Variants in GFRA1 observed in about 807,000 individuals in gnomAD.
GFRA1 encodes the protein GDNF family receptor alpha 1, also known as GDNF family receptor alpha-1.
A neutral mutation model predicts 51.6 loss-of-function variants in GFRA1; 16 were observed. That is an observed-to-expected ratio of 0.31 (90% CI 0.21 to 0.47). The LOEUF (loss-of-function observed/expected upper bound fraction) is 0.47. Ranked by LOEUF, GFRA1 falls within the 20% of genes least tolerant of loss-of-function variation. The probability of loss-of-function intolerance (pLI) is 1.00; values close to 1 mark genes in which losing one functional copy is unlikely to be tolerated. For missense variants in GFRA1, 530 were observed against 594.3 expected (o/e 0.89, Z 1.13); for synonymous variants, 270 against 241.3 (o/e 1.12, Z -1.10).
intron 4 of GFRA1, chr10:116,255,778 C>T (rs557610917): frequency 1.6e-5 from 21 of 1,282,012 alleles, no homozygotes; most frequent in Non-Finnish European, 2.0e-5. Context: ...CCACCACCAT[C>T]TCCCCAGCAG....
At chr10:116,082,162 G>A (rs1955878891) in intron 9 of GFRA1, among the ~76,000 whole-genome samples, 1 of 152,160 alleles carries the variant, frequency 6.6e-6, no homozygotes, top group Admixed American at 6.5e-5. Context: ...ATGTGGCGGG[G>A]ACCGTGGCAG....
At chr10:116,083,009 T>TC (rs1955920504) in intron 9 of GFRA1, among the ~76,000 whole-genome samples, 2 of 152,246 alleles carry the variant, frequency 1.3e-5, no homozygotes, top group African/African-American at 4.8e-5. Context: ...CTGTTCTTTA[T>TC]CCCTCACAAA....
At position 116,063,230 on chromosome 10, in the gene GFRA1, TGCA is replaced by T. The variant is rs1057000999; in HGVS notation, c.*1165_*1167del. 6.6e-6 allele frequency: 1 copy of T among 152,246 alleles called. No individual in the cohort carries two copies. The highest frequency in any genetic ancestry group is 2.4e-5 in the African/African-American group (1 of 41,466). 9.4% of individuals were successfully genotyped at this position (152,246 alleles called of 1,614,324 possible). On this transcript the variant is annotated 3_prime_UTR_variant, in exon 11 of 11. Transcript: ENST00000355422. ...TCATGACAAGTGTGTCAAGAGATGC[TGCA>T]GAACATTTACAAGCAGCCACCAGTT...
intron 9 of GFRA1, among the ~76,000 whole-genome samples, chr10:116,087,416 G>A (rs1956146625): frequency 6.6e-6 from 1 of 152,172 alleles, no homozygotes; most frequent in Non-Finnish European, 1.5e-5. Context: ...CAAAAATGTT[G>A]ACAAGTTGCA....
intron 5 of GFRA1, among the ~76,000 whole-genome samples, chr10:116,155,411 T>C (rs1041879713): frequency 1.3e-5 from 2 of 152,082 alleles, no homozygotes; most frequent in African/African-American, 4.8e-5. Flanking sequence ...TTTTTCCTCA[T>C]GGGGTGCTGA....
intron 5 of GFRA1, among the ~76,000 whole-genome samples, chr10:116,140,775 A>C (rs1221639230): frequency 6.6e-6 from 1 of 152,184 alleles, no homozygotes; most frequent in African/African-American, 2.4e-5. Context: ...GTGTTTCCGC[A>C]TTTGAGAGAG....
chr10:116,086,657 A>G (rs1324601016), intron 9 of GFRA1, among the ~76,000 whole-genome samples: 1 of 152,280 alleles, frequency 6.6e-6, no homozygotes, highest in Admixed American at 6.5e-5. Flanking sequence ...CTGGGAGTCA[A>G]ATGCTGTTTA....
In GFRA1 at chr10:116,063,206, C is replaced by T. The variant is rs1291950156; in HGVS notation, c.*1192G>A. On this transcript the variant is annotated 3_prime_UTR_variant, in exon 11 of 11. Transcript: ENST00000355422. ...TGAAAACCAAGGTACTGGATTGTGT[C>T]ATGACAAGTGTGTCAAGAGATGCTG... The T allele has an allele frequency of 6.6e-6, 1 of 152,240 alleles. No individual in the cohort carries two copies. Among genetic ancestry groups the T allele is most frequent in the Non-Finnish European group, 1.5e-5 (1 of 68,054 alleles). 9.4% of individuals were successfully genotyped at this position (152,240 alleles called of 1,614,324 possible). A position where few individuals can be genotyped will look rare whatever the true frequency, so the allele number is the denominator to read the frequency against.
In GFRA1 at chr10:116,128,080, G is replaced by A. The variant is rs146812696; in HGVS notation, c.434-2523C>T. On this transcript the variant is annotated intron_variant, in intron 5 of 10. Transcript: ENST00000355422. ...AATGGAGAAAAATGCCTGAAGAATCGAGTCAATACATGGCACTCAGTAATA... is the reference window on the plus strand; with the variant it reads ...AATGGAGAAAAATGCCTGAAGAATCAAGTCAATACATGGCACTCAGTAATA... Among the ~76,000 whole-genome samples the A allele has an allele frequency of 7.0e-3, 1,062 of 152,258 alleles. 6 individuals are homozygous for A. Among genetic ancestry groups the A allele is most frequent in the Non-Finnish European group, 9.0e-3 (613 of 68,014 alleles).
intron 9 of GFRA1, among the ~76,000 whole-genome samples, chr10:116,085,670 T>A (rs1469311372): frequency 6.6e-6 from 1 of 152,008 alleles, no homozygotes; most frequent in Non-Finnish European, 1.5e-5. Flanking sequence ...ATGAAGGCCC[T>A]TCACTCATCA....
intron 5 of GFRA1, among the ~76,000 whole-genome samples, chr10:116,133,386 C>T (rs1269876470): frequency 6.6e-6 from 1 of 152,046 alleles, no homozygotes; most frequent in Non-Finnish European, 1.5e-5. Context: ...GGAGGTATAA[C>T]ATTCATGGCA....
At chr10:116,069,465 G>C (rs1955273642) in intron 9 of GFRA1, among the ~76,000 whole-genome samples, 1 of 152,086 alleles carries the variant, frequency 6.6e-6, no homozygotes, top group Non-Finnish European at 1.5e-5. Context: ...CTACATTCTG[G>C]AAAACCAGGG....
intron 4 of GFRA1, among the ~76,000 whole-genome samples, chr10:116,217,895 T>A (rs1466789559): frequency 1.3e-5 from 2 of 152,174 alleles, no homozygotes; most frequent in Non-Finnish European, 2.9e-5. Flanking sequence ...CAAAAAACAT[T>A]TATTGATTGT....
chr10:116,057,735 T>G lies in GFRA1; in HGVS notation c.*6663A>C, dbSNP rs545594311. 1 of 100,680 alleles carries G rather than the reference T, an allele frequency of 9.9e-6. No individual in the cohort carries two copies. Among genetic ancestry groups the G allele is most frequent in the South Asian group, 3.6e-4 (1 of 2,790 alleles). The allele number at this position is 100,680 out of a possible 1,614,324, so 6.2% of individuals were successfully genotyped here. ...CCCTGGATTCAGGTTTCTGAAACTG[T>G]TTTTTTTTTTTCAACCCTCGGAGGA... On this transcript the variant is annotated 3_prime_UTR_variant, in exon 11 of 11. Transcript: ENST00000355422.
chr10:116,173,026 A>T (rs572711751), intron 5 of GFRA1, among the ~76,000 whole-genome samples: 1 of 152,340 alleles, frequency 6.6e-6, no homozygotes, highest in East Asian at 1.9e-4. Context: ...GACAACAGTA[A>T]TCTGGATACA....
intron 9 of GFRA1, among the ~76,000 whole-genome samples, chr10:116,088,736 T>A (rs61864909): frequency 6.6e-6 from 1 of 151,538 alleles, no homozygotes; most frequent in East Asian, 2.0e-4. Context: ...CTGGCTAACA[T>A]GGTGAAACCA....
intron 5 of GFRA1, among the ~76,000 whole-genome samples, chr10:116,208,516 T>C (rs568252022): frequency 2.8e-4 from 43 of 152,220 alleles, no homozygotes; most frequent in Non-Finnish European, 3.5e-4. Flanking sequence ...ATCTCTCCAT[T>C]AACAAGATCC....
chr10:116,096,604 A>G (rs949945975), intron 7 of GFRA1, 51 bp downstream of exon 7: 8 of 957,744 alleles, frequency 8.4e-6, no homozygotes, highest in Middle Eastern at 5.5e-4. Context: ...GAAAGAACGC[A>G]GGTATATGCA....
At chr10:116,154,059 C>T (rs1959156284) in intron 5 of GFRA1, among the ~76,000 whole-genome samples, 1 of 152,130 alleles carries the variant, frequency 6.6e-6, no homozygotes, top group South Asian at 2.1e-4. Flanking sequence ...ACTACACACC[C>T]ACCAAGATGG....
Sources: gnomAD v4.1 joint callset for allele counts (sites outside exome capture counted in the v4.1 genomes callset) on GRCh38, gnomAD v4.1.1 for gene constraint, MANE v1.5 for transcripts, NCBI Gene and HGNC (gene_info 2026-07-23, HGNC 2026-07-21) for gene names.